Variants in SELP observed in about 807,000 individuals in gnomAD.
The protein encoded by SELP is P-selectin.
A neutral mutation model predicts 104.1 loss-of-function variants in SELP; 92 were observed. The observed-to-expected ratio is 0.88, with a 90% CI of 0.75 to 1.05. The LOEUF (loss-of-function observed/expected upper bound fraction) is 1.05. SELP is among the 50% of genes least tolerant of loss of function. The pLI is 0.00. For synonymous variants in SELP, 397 were observed against 364.5 expected (o/e 1.09, Z -1.01); for missense variants, 1,022 against 1,017.3 (o/e 1.00, Z -0.06).
intron 1 of SELP, among the ~76,000 whole-genome samples, chr1:169,625,928 A>G (rs779605106): frequency 1.3e-5 from 2 of 152,204 alleles, no homozygotes; most frequent in Non-Finnish European, 1.5e-5. Flanking sequence ...TTAACAGAAT[A>G]TAGCCATAAG....
chr1:169,626,432 T>A (rs1389140282), intron 1 of SELP, among the ~76,000 whole-genome samples: 1 of 152,080 alleles, frequency 6.6e-6, no homozygotes, highest in Admixed American at 6.5e-5. Context: ...AATACAAAAA[T>A]TAGCTGGGCA....
At position 169,590,191 on chromosome 1, in the gene SELP, G is replaced by A. The variant is rs770170872; in HGVS notation, c.2450C>T (p.Thr817Ile). The A allele has an allele frequency of 2.5e-6, 4 of 1,612,628 alleles. No homozygotes were observed. Among genetic ancestry groups the A allele is most frequent in the African/African-American group, 2.7e-5 (2 of 74,856 alleles). Residue 817 changes from threonine (T) to isoleucine (I), a missense_variant, in exon 16 of 17, where the codon ACA becomes ATA. Thr to Ile is a moderately conservative substitution (Grantham distance 89). Coordinates refer to ENST00000263686, the MANE Select transcript of SELP (RefSeq NM_003005.4). Reference sequence around the variant, plus strand: ...TGCAGCGTTTGTAAAAACTCCATATGTTCCTAGGTGGCTAAAGAACAGAAA... The same window carrying A: ...TGCAGCGTTTGTAAAAACTCCATATATTCCTAGGTGGCTAAAGAACAGAAA... Reference protein sequence around the residue: ...CPLNPHSHLGTYGVFTNAAFD... With the variant: ...CPLNPHSHLGIYGVFTNAAFD...
chr1:169,602,847 T>C (rs1661973731), intron 10 of SELP, among the ~76,000 whole-genome samples, 179 bp downstream of exon 10: 1 of 152,188 alleles, frequency 6.6e-6, no homozygotes, highest in African/African-American at 2.4e-5. Flanking sequence ...TGTGGAATAT[T>C]TAACTAAAGC....
chr1:169,617,218 G>A lies in SELP; in HGVS notation c.291C>T (p.Asn97=), dbSNP rs1263784643. The change falls in exon 3 of 17, where the codon AAC becomes AAT. Residue 97 remains asparagine (N), a synonymous_variant. Transcript: ENST00000263686. ...SSYYWIGIRK[N]NKTWTWVGTK... ...TTCCCACCCATGTCCATGTCTTATT[G>A]TTCTTTCGGATCCCAATCCAGTAGT... The A allele has an allele frequency of 6.2e-7, 1 of 1,614,024 alleles. No homozygotes were observed. Among genetic ancestry groups the A allele is most frequent in the Non-Finnish European group, 8.5e-7 (1 of 1,179,984 alleles).
intron 3 of SELP, among the ~76,000 whole-genome samples, chr1:169,614,288 C>T (rs188190361): frequency 4.6e-5 from 7 of 152,090 alleles, no homozygotes; most frequent in Non-Finnish European, 7.3e-5. Context: ...ATGTTTAAGA[C>T]GTACTCATGG....
At chr1:169,590,563 G>T (rs1286592508) in intron 15 of SELP, among the ~76,000 whole-genome samples, 2 of 115,904 alleles carry the variant, frequency 1.7e-5, no homozygotes, top group African/African-American at 4.1e-5. Context: ...ACCCCTAGGG[G>T]TGTTTTTTGA....
intron 14 of SELP, 141 bp from the exon 15 acceptor site, chr1:169,591,597 C>G (rs565278032): frequency 3.8e-4 from 196 of 510,406 alleles, no homozygotes; most frequent in Non-Finnish European, 4.2e-4. Context: ...ATATTGGGAA[C>G]AGTTTCTCCC....
chr1:169,617,000 G>A, intron 3 of SELP, 28 bp downstream of exon 3: 2 of 1,520,394 alleles, frequency 1.3e-6, no homozygotes, highest in Non-Finnish European at 1.8e-6. Flanking sequence ...TTTTTAACAG[G>A]AAAGTTTCAA....
At chr1:169,610,984 A>G (rs1031335384) in intron 7 of SELP, among the ~76,000 whole-genome samples, 1 of 152,098 alleles carries the variant, frequency 6.6e-6, no homozygotes, top group African/African-American at 2.4e-5. Flanking sequence ...TAAATTTCCT[A>G]TTCTCCCATT....
chr1:169,599,848 AGAGTT>A (rs552049132), intron 10 of SELP, among the ~76,000 whole-genome samples: 32 of 152,308 alleles, frequency 2.1e-4, no homozygotes, highest in African/African-American at 7.5e-4. Context: ...GCAGAAGAGC[AGAGTT>A]GAGGTTGGGA....
At position 169,619,234 on chromosome 1, in the gene SELP, GA is replaced by G. The variant is rs759316812; in HGVS notation, c.4-16del. ...TGGCAGTTGGCCTGAAACAAGAAGA[GA>G]AAACTTTCTTTTAGTATCCATACAC... On this transcript the variant is annotated splice_polypyrimidine_tract_variant and intron_variant, in intron 1 of 16. Transcript: ENST00000263686. The G allele has an allele frequency of 9.5e-5, 152 of 1,605,028 alleles. No homozygotes were observed. The highest frequency in any genetic ancestry group is 1.2e-4 in the Non-Finnish European group (146 of 1,172,162).
rs3917671 is a variant in SELP at position 169,624,498 on chromosome 1, C to T, written c.4-5279G>A. 7.2e-3 allele frequency among the ~76,000 whole-genome samples: 1,088 copies of T among 152,152 alleles called. 15 individuals are homozygous for T. The highest frequency in any genetic ancestry group is 0.024 in the African/African-American group (1,015 of 41,504). On this transcript the variant is annotated intron_variant, in intron 1 of 16. Coordinates refer to ENST00000263686, the MANE Select transcript of SELP (RefSeq NM_003005.4). ...GGTGCAGTGGCTCATGCCTCTAATC[C>T]CAGCACTTTGGGAGGCCAAGGTGGG...
At chr1:169,616,982 G>GTTT (rs746205276) in intron 3 of SELP, 46 bp downstream of exon 3, 7 of 1,093,522 alleles carry the variant, frequency 6.4e-6, no homozygotes, top group East Asian at 6.0e-5. Flanking sequence ...AGAAGGCAGG[G>GTTT]TTTTTTTTTT....
Position 169,593,589 on chromosome 1 carries a change from A to C in SELP, c.2407+16T>G. On this transcript the variant is annotated intron_variant, in intron 14 of 16. Coordinates refer to ENST00000263686, the MANE Select transcript of SELP (RefSeq NM_003005.4). ...TATGTAACCAAGATGCAAAGAGAAG[A>C]CTCTTTCCTATTTACCTTTTTGTCT... is the stretch of plus-strand genomic sequence containing the variant. 1 of 1,607,464 alleles carries C rather than the reference A, an allele frequency of 6.2e-7. No homozygotes were observed. The highest frequency in any genetic ancestry group is 8.5e-7 in the Non-Finnish European group (1 of 1,175,412).
At chr1:169,615,753 G>T (rs1241125952) in intron 3 of SELP, among the ~76,000 whole-genome samples, 3 of 152,136 alleles carry the variant, frequency 2.0e-5, no homozygotes, top group African/African-American at 7.2e-5. Context: ...ATATGATAAT[G>T]CATTCATGGA....
At chr1:169,603,287 C>T in intron 9 of SELP, 76 bp from the exon 10 acceptor site, 19 of 1,258,080 alleles carry the variant, frequency 1.5e-5, no homozygotes, top group Non-Finnish European at 2.1e-5. Flanking sequence ...AACTCTCTCT[C>T]TCTTTCTCCC....
intron 9 of SELP, among the ~76,000 whole-genome samples, chr1:169,606,274 G>T (rs1245435553): frequency 6.6e-6 from 1 of 152,206 alleles, no homozygotes; most frequent in African/African-American, 2.4e-5. Context: ...CCGAGATTGT[G>T]CCATTACACT....
intron 1 of SELP, among the ~76,000 whole-genome samples, chr1:169,625,017 C>T (rs1571683966): frequency 6.6e-6 from 1 of 152,074 alleles, no homozygotes; most frequent in East Asian, 1.9e-4. Flanking sequence ...CTCCCTTGAC[C>T]CTTTGTCCTC....
intron 1 of SELP, among the ~76,000 whole-genome samples, chr1:169,622,162 G>T (rs959789860): frequency 1.3e-5 from 2 of 152,208 alleles, no homozygotes; most frequent in African/African-American, 4.8e-5. Context: ...TCGTATGCCA[G>T]AGATGATTCG....
Sources: gnomAD v4.1 joint callset for allele counts (sites outside exome capture counted in the v4.1 genomes callset) on GRCh38, gnomAD v4.1.1 for gene constraint, MANE v1.5 for transcripts, NCBI Gene and HGNC (gene_info 2026-07-23, HGNC 2026-07-21) for gene names.